Variants in MROH2A observed in about 807,000 individuals in gnomAD.
MROH2A encodes the protein maestro heat-like repeat-containing protein family member 2A.
MROH2A carries 174 observed loss-of-function variants against 200.4 expected under a neutral mutation model. That is an observed-to-expected ratio of 0.87 (90% CI 0.77 to 0.98). MROH2A has a LOEUF of 0.98. Among genes scored for constraint, MROH2A ranks in the 50% least tolerant of loss-of-function variants. MROH2A has a pLI of 0.00. For missense variants in MROH2A, 2,045 were observed against 2,139.6 expected (o/e 0.96, Z 0.87); for synonymous variants, 829 against 840.4 (o/e 0.99, Z 0.23).
rs558902793 is a variant in MROH2A at position 233,816,867 on chromosome 2, C to CCA, written c.2946_2947dup (p.Ser983ThrfsTer9). On this transcript the variant is annotated frameshift_variant, in exon 27 of 42. Coordinates refer to ENST00000389758, the MANE Select transcript of MROH2A (RefSeq NM_001394639.1). LOFTEE classifies it high-confidence loss of function. ...ATCTCTATCTCATGTGGATTTATGT[C>CCA]CACAGCACTGCTGTCTGTGTGAGTC... The CCA allele has an allele frequency of 1.6e-3, 2,476 of 1,547,382 alleles. 4 individuals are homozygous for CCA. The highest frequency in any genetic ancestry group is 2.0e-3 in the Non-Finnish European group (2,343 of 1,144,250).
chr2:233,817,948 C>G, intron 27 of MROH2A, 54 bp from the exon 28 acceptor site: 1 of 1,547,424 alleles, frequency 6.5e-7, no homozygotes, highest in Non-Finnish European at 8.7e-7. Flanking sequence ...CTGGGCAGCC[C>G]CAGGTGTGCA....
In MROH2A at chr2:233,793,044, G is replaced by A. The variant is rs1297675401; in HGVS notation, c.670+150G>A. On this transcript the variant is annotated intron_variant, in intron 6 of 41. Coordinates refer to ENST00000389758, the MANE Select transcript of MROH2A (RefSeq NM_001394639.1). The stretch of plus-strand genomic sequence containing the variant: ...GTTTGCTTAATCTTTTACTTCGTGT[G>A]GCCTCTGATTGGCTGCCTGGGGCAC... 6.3e-6 allele frequency: 5 copies of A among 791,838 alleles called. No individual in the cohort carries two copies. The Admixed American group carries it at 1.0e-4, about 16-fold the overall frequency. The allele number at this position is 791,838 out of a possible 1,614,324, so 49.1% of individuals were successfully genotyped here.
chr2:233,816,914 C>A (rs1393046252), intron 27 of MROH2A, 29 bp downstream of exon 27: 2 of 1,349,688 alleles, frequency 1.5e-6, no homozygotes, highest in Admixed American at 2.0e-5. Context: ...AGCCCCCAGC[C>A]TGCTGCTCTG....
At position 233,779,107 on chromosome 2, in the gene MROH2A, A is replaced by G. The variant is rs1038168802; in HGVS notation, c.-14-238A>G. Among the ~76,000 whole-genome samples the G allele has an allele frequency of 2.3e-4, 35 of 152,198 alleles. 2 individuals carry two copies. The highest frequency in any genetic ancestry group is 5.0e-4 in the Non-Finnish European group (34 of 68,022). On this transcript the variant is annotated intron_variant, in intron 1 of 41. Coordinates refer to ENST00000389758, the MANE Select transcript of MROH2A (RefSeq NM_001394639.1). ...TTTCTGTTCAATCTGATAAGAGGGAATCTCATGTGGCATAGTGTGATCATG... is the reference window on the plus strand; with the variant it reads ...TTTCTGTTCAATCTGATAAGAGGGAGTCTCATGTGGCATAGTGTGATCATG...
At chr2:233,821,183 G>T (rs960367345) in intron 31 of MROH2A, among the ~76,000 whole-genome samples, 1 of 152,182 alleles carries the variant, frequency 6.6e-6, no homozygotes, top group Non-Finnish European at 1.5e-5. Context: ...TTCTGTTCAG[G>T]GTCTCACAAG....
intron 41 of MROH2A, 32 bp from the exon 42 acceptor site, chr2:233,833,105 GC>G (rs1704895269): frequency 2.6e-6 from 4 of 1,517,786 alleles, no homozygotes; most frequent in Non-Finnish European, 3.5e-6. Context: ...ACTGGGCGGG[GC>G]CTGAACCTTC....
chr2:233,809,077 G>T (rs551261833), intron 21 of MROH2A, 49 bp from the exon 22 acceptor site: 1,469 of 1,521,322 alleles, frequency 9.7e-4, no homozygotes, highest in Non-Finnish European at 1.2e-3. Context: ...CCTGCATCTG[G>T]AGCAGCCCCT....
chr2:233,790,780 C>G (rs1701712917), intron 5 of MROH2A, among the ~76,000 whole-genome samples: 1 of 151,760 alleles, frequency 6.6e-6, no homozygotes, highest in South Asian at 2.1e-4. Flanking sequence ...TGGCAGGTAC[C>G]TGGCCACTAC....
Position 233,796,319 on chromosome 2 carries a change from C to G in MROH2A, c.1252+6C>G. 1 of 220,330 alleles carries G rather than the reference C, an allele frequency of 4.5e-6. No individual in the cohort carries two copies. 13.6% of individuals were successfully genotyped at this position (220,330 alleles called of 1,614,324 possible). A position where few individuals can be genotyped will look rare whatever the true frequency, so the allele number is the denominator to read the frequency against. The stretch of plus-strand genomic sequence containing the variant: ...GGCTATAGTGAGCGCAGATGGTGAG[C>G]AAGGCAGGGTGGGTGGGGTGGGCGG... On this transcript the variant is annotated splice_donor_region_variant and intron_variant, in intron 11 of 41. Transcript: ENST00000389758.
At chr2:233,826,083 C>T (rs1240284472) in intron 35 of MROH2A, among the ~76,000 whole-genome samples, 3 of 151,996 alleles carry the variant, frequency 2.0e-5, no homozygotes, top group African/African-American at 4.8e-5. Context: ...TGCCACCACA[C>T]CCAGCTAATT....
At position 233,829,671 on chromosome 2, in the gene MROH2A, A is replaced by C; in HGVS notation, c.4498A>C (p.Arg1500=). 6.7e-7 allele frequency: 1 copy of C among 1,490,748 alleles called. No individual in the cohort carries two copies. Among genetic ancestry groups the C allele is most frequent in the Admixed American group, 2.3e-5 (1 of 43,270 alleles). 92.3% of individuals were successfully genotyped at this position (1,490,748 alleles called of 1,614,324 possible). A position where few individuals can be genotyped will look rare whatever the true frequency, so the allele number is the denominator to read the frequency against. ...KAFILFGKLA[R]VVGMSKKHFF... ...CTTCATCCTCTTTGGAAAGCTGGCA[A>C]GGGTGGTCGGGATGTCCAAGAAGCA... The change falls in exon 38 of 42, where the codon AGG becomes CGG. Residue 1500 remains arginine, a synonymous_variant. Transcript: ENST00000389758.
chr2:233,833,370 A>G lies in MROH2A; in HGVS notation c.*111A>G. On this transcript the variant is annotated 3_prime_UTR_variant, in exon 42 of 42. Transcript: ENST00000389758. Reference sequence around the variant, plus strand: ...GGAAAAACACTATTGTAAAATAACTAGTATCCTTTTGTTTCCTTCCGTTGA... The same window carrying G: ...GGAAAAACACTATTGTAAAATAACTGGTATCCTTTTGTTTCCTTCCGTTGA... The G allele has an allele frequency of 1.7e-6, 2 of 1,197,394 alleles. No homozygotes were observed. The highest frequency in any genetic ancestry group is 2.2e-6 in the Non-Finnish European group (2 of 889,486). 74.2% of individuals were successfully genotyped at this position (1,197,394 alleles called of 1,614,324 possible).
At position 233,807,853 on chromosome 2, in the gene MROH2A, CG is replaced by C. The variant is rs1421832785; in HGVS notation, c.2295+1del. On this transcript the variant is annotated frameshift_variant and splice_region_variant, in exon 21 of 42. Coordinates refer to ENST00000389758, the MANE Select transcript of MROH2A (RefSeq NM_001394639.1). LOFTEE classifies it high-confidence loss of function. The surrounding 1 kb of genome is among the most constrained non-coding windows in gnomAD (Gnocchi z 4.3). ...SEQSWQISAW[R>X]KDHPWRRETV... ...GCAGTCCTGGCAGATCAGTGCTTGG[CG>C]GGTAAGCCACCTTCCCTCCACAACT... 1.5e-5 allele frequency: 23 copies of C among 1,550,918 alleles called. No homozygotes were observed. The Admixed American group carries it at 4.3e-4, about 29-fold the overall frequency.
At chr2:233,777,070 G>A (rs149352184), upstream of MROH2A, among the ~76,000 whole-genome samples, 1 of 152,196 alleles carries the variant, frequency 6.6e-6, no homozygotes, top group East Asian at 1.9e-4. Flanking sequence ...TGCTTGGCTG[G>A]ACAGAGCACA....
intron 3 of MROH2A, among the ~76,000 whole-genome samples, chr2:233,787,044 A>G (rs1701238912): frequency 6.6e-6 from 1 of 152,316 alleles, no homozygotes; most frequent in African/African-American, 2.4e-5. Context: ...TCACAGATGC[A>G]CACTCTACAG....
At chr2:233,823,131 G>A in intron 34 of MROH2A, 113 bp downstream of exon 34, 1 of 1,182,626 alleles carries the variant, frequency 8.5e-7, no homozygotes, top group South Asian at 1.5e-5. Context: ...CCTTCTTTCT[G>A]GGGGAACTGC....
Position 233,796,295 on chromosome 2 carries a change from G to A in MROH2A, c.1234G>A (p.Ala412Thr), listed in dbSNP as rs1488635906. Residue 412 changes from alanine to threonine, a missense_variant, in exon 11 of 42, where the codon GCT becomes ACT. Coordinates refer to ENST00000389758, the MANE Select transcript of MROH2A (RefSeq NM_001394639.1). ...VRVGTLNLIR[A>T]IVSADEPRMS... ...CGTGGGGACTCTGAATCTGATTAGG[G>A]CTATAGTGAGCGCAGATGGTGAGCA... 1 of 1,304,916 alleles carries A rather than the reference G, an allele frequency of 7.7e-7. No homozygotes were observed. The highest frequency in any genetic ancestry group is 2.5e-5 in the Admixed American group (1 of 39,472). The allele number at this position is 1,304,916 out of a possible 1,614,324, so 80.8% of individuals were successfully genotyped here. A position where few individuals can be genotyped will look rare whatever the true frequency, so the allele number is the denominator to read the frequency against.
At chr2:233,796,099 T>TCGG in intron 10 of MROH2A, 54 bp downstream of exon 10, 1 of 1,535,408 alleles carries the variant, frequency 6.5e-7, no homozygotes. Context: ...GCAGGAGGCC[T>TCGG]GTAGGAGTCC....
rs953986503 is a variant in MROH2A, at chr2:233,828,279, C to T, written c.4114-351C>T. 2.6e-5 allele frequency among the ~76,000 whole-genome samples: 4 copies of T among 152,168 alleles called. No homozygotes were observed. The highest frequency in any genetic ancestry group is 7.2e-5 in the African/African-American group (3 of 41,430). On this transcript the variant is annotated intron_variant, in intron 35 of 41. Transcript: ENST00000389758. The surrounding 1 kb of genome is among the most constrained non-coding windows in gnomAD (Gnocchi z 4.6). ...AGAATACTAGGCCATTAGTAATTCT[C>T]CTGAAAGTGAAATTCATGTTTTTTG... is the stretch of plus-strand genomic sequence containing the variant.
Sources: gnomAD v4.1 joint callset for allele counts (sites outside exome capture counted in the v4.1 genomes callset) on GRCh38, gnomAD v4.1.1 for gene constraint, Gnocchi (gnomAD v3.1) non-coding constraint, MANE v1.5 for transcripts, NCBI Gene and HGNC (gene_info 2026-07-23, HGNC 2026-07-21) for gene names.